Variants in TRIM44 observed in about 807,000 individuals in gnomAD.
The protein encoded by TRIM44 is tripartite motif containing 44.
In TRIM44, 13 loss-of-function variants were observed where a neutral mutation model predicts 37.4. That is an observed-to-expected ratio of 0.35 (90% CI 0.23 to 0.55). The LOEUF (loss-of-function observed/expected upper bound fraction) is 0.55, where lower values mean the gene tolerates loss of function less well. Ranked by LOEUF, TRIM44 falls within the 20% of genes least tolerant of loss-of-function variation. TRIM44 has a pLI of 0.89. For missense variants in TRIM44, 426 were observed against 437.2 expected (o/e 0.97, Z 0.23); for synonymous variants, 175 against 157.2 (o/e 1.11, Z -0.85).
At chr11:35,687,797 C>T (rs755078472) in intron 2 of TRIM44, among the ~76,000 whole-genome samples, 10 of 152,102 alleles carry the variant, frequency 6.6e-5, no homozygotes, top group Non-Finnish European at 1.2e-4. Flanking sequence ...TGTAAGGACC[C>T]GACTTGATCT....
At chr11:35,776,742 A>C (rs1445862730) in intron 4 of TRIM44, among the ~76,000 whole-genome samples, 1 of 152,230 alleles carries the variant, frequency 6.6e-6, no homozygotes, top group African/African-American at 2.4e-5. Context: ...CAGGTTGTTC[A>C]GTTTCCATAT....
At position 35,714,232 on chromosome 11, in the gene TRIM44, A is replaced by G. The variant is rs185743114; in HGVS notation, c.748-11692A>G. Among the ~76,000 whole-genome samples the G allele has an allele frequency of 2.1e-4, 32 of 152,204 alleles. No individual in the cohort carries two copies. In the East Asian group the frequency reaches 4.2e-3, roughly 20 times the overall value. On this transcript the variant is annotated intron_variant, in intron 2 of 4. Transcript: ENST00000299413. ...AAAGTTCACAGTTACTATTATCTCTAATGAGCAGAATGGTTCTGCTGATGG... is the reference window on the plus strand; with the variant it reads ...AAAGTTCACAGTTACTATTATCTCTGATGAGCAGAATGGTTCTGCTGATGG...
rs753633502 is a variant in TRIM44, at chr11:35,663,122, G to C, written c.11G>C (p.Gly4Ala). The C allele has an allele frequency of 2.0e-6, 3 of 1,526,310 alleles. No individual in the cohort carries two copies. Among genetic ancestry groups the C allele is most frequent in the Non-Finnish European group, 1.8e-6 (2 of 1,141,070 alleles). 94.5% of individuals were successfully genotyped at this position (1,526,310 alleles called of 1,614,324 possible). Residue 4 changes from glycine to alanine, a missense_variant, in exon 1 of 5, where the codon GGA becomes GCA. Coordinates refer to ENST00000299413, the MANE Select transcript of TRIM44 (RefSeq NM_017583.6). MASGVGAAFEELPH... is the reference protein window; with the variant it reads MASAVGAAFEELPH... Reference sequence around the variant, plus strand: ...CGTCACAGCACCCACATGGCCTCTGGAGTGGGCGCGGCCTTCGAGGAACTG... The same window carrying C: ...CGTCACAGCACCCACATGGCCTCTGCAGTGGGCGCGGCCTTCGAGGAACTG...
chr11:35,664,832 A>G (rs1336971011), intron 1 of TRIM44, among the ~76,000 whole-genome samples: 1 of 152,238 alleles, frequency 6.6e-6, no homozygotes, highest in East Asian at 1.9e-4. Flanking sequence ...CCTTTTCCCC[A>G]TACCTTTTCC....
chr11:35,735,503 C>T, intron 4 of TRIM44, 58 bp downstream of exon 4: 1 of 1,536,716 alleles, frequency 6.5e-7, no homozygotes, highest in Non-Finnish European at 9.0e-7. Flanking sequence ...ACATTTGTGG[C>T]CTTTTAGTGC....
At chr11:35,734,881 T>C (rs1411015395) in intron 3 of TRIM44, among the ~76,000 whole-genome samples, 1 of 152,218 alleles carries the variant, frequency 6.6e-6, no homozygotes, top group Non-Finnish European at 1.5e-5. Context: ...AATTAATGTT[T>C]GCCCAAGGAC....
intron 4 of TRIM44, among the ~76,000 whole-genome samples, chr11:35,775,462 T>G (rs1852943359): frequency 6.6e-6 from 1 of 152,234 alleles, no homozygotes; most frequent in Non-Finnish European, 1.5e-5. Flanking sequence ...ACTCTTTATT[T>G]CTTTCTCCTG....
intron 4 of TRIM44, among the ~76,000 whole-genome samples, chr11:35,744,039 A>G (rs532927234): frequency 4.6e-5 from 7 of 152,354 alleles, no homozygotes; most frequent in African/African-American, 1.4e-4. Context: ...GCACAACTGT[A>G]CATATTTGCC....
intron 2 of TRIM44, among the ~76,000 whole-genome samples, chr11:35,695,931 A>G (rs1851692255): frequency 1.3e-5 from 2 of 151,146 alleles, no homozygotes; most frequent in South Asian, 4.2e-4. Context: ...GTAACATGTC[A>G]AATCTGTAAT....
intron 4 of TRIM44, among the ~76,000 whole-genome samples, chr11:35,772,531 C>T (rs545048073): frequency 2.0e-5 from 3 of 152,348 alleles, no homozygotes; most frequent in East Asian, 1.9e-4. Context: ...CCACCTCTTG[C>T]ATCAGCATGA....
At position 35,745,387 on chromosome 11, in the gene TRIM44, T is replaced by TG. The variant is rs1209397425; in HGVS notation, c.1007+9942_1007+9943insG. Reference sequence around the variant, plus strand: ...GGTTGTTTTTTTCTTGTAAATTTGTTTAAGTTCCATGTAGACTCTAGATAT... The same window carrying TG: ...GGTTGTTTTTTTCTTGTAAATTTGTTGTAAGTTCCATGTAGACTCTAGATAT... On this transcript the variant is annotated intron_variant, in intron 4 of 4. Coordinates refer to ENST00000299413, the MANE Select transcript of TRIM44 (RefSeq NM_017583.6). 2.0e-5 allele frequency among the ~76,000 whole-genome samples: 3 copies of TG among 152,206 alleles called. No homozygotes were observed. The East Asian group carries it at 5.8e-4, about 29-fold the overall frequency.
chr11:35,729,062 A>C (rs1183607841), intron 3 of TRIM44, among the ~76,000 whole-genome samples: 2 of 152,100 alleles, frequency 1.3e-5, no homozygotes, highest in African/African-American at 4.8e-5. Flanking sequence ...CTGATCAGGG[A>C]CCTTGGGATT....
At position 35,725,968 on chromosome 11, in the gene TRIM44, G is replaced by T; in HGVS notation, c.792G>T (p.Lys264Asn). The T allele has an allele frequency of 6.2e-7, 1 of 1,614,070 alleles. No homozygotes were observed. The change falls in exon 3 of 5, where the codon AAG becomes AAT. Residue 264 changes from lysine (K) to asparagine (N), a missense_variant. Physicochemically the swap from Lys to Asn is moderately conservative, Grantham distance 94. Coordinates refer to ENST00000299413, the MANE Select transcript of TRIM44 (RefSeq NM_017583.6). ...AGATGTTTATACAGCAGGAATTTAA[G>T]AAAGTTCAGAAAGTGATTGCTGATG... ...QMKMFIQQEF[K>N]KVQKVIADEE...
At chr11:35,685,008 G>A (rs1851558125) in intron 1 of TRIM44, among the ~76,000 whole-genome samples, 1 of 152,226 alleles carries the variant, frequency 6.6e-6, no homozygotes, top group Admixed American at 6.5e-5. Flanking sequence ...AGATGAAGCA[G>A]TGAGTCAGCC....
chr11:35,788,840 G>T (rs965348132), intron 4 of TRIM44, among the ~76,000 whole-genome samples: 2 of 152,198 alleles, frequency 1.3e-5, no homozygotes, highest in Admixed American at 6.5e-5. Context: ...TGGAGAAGCA[G>T]TTTGGGAAGG....
At position 35,816,556 on chromosome 11, in the gene TRIM44, GA is replaced by G. The variant is rs1309922863; in HGVS notation, c.*10175del. 3.3e-5 allele frequency: 5 copies of G among 152,170 alleles called. No homozygotes were observed. Among genetic ancestry groups the G allele is most frequent in the African/African-American group, 1.2e-4 (5 of 41,436 alleles). The allele number at this position is 152,170 out of a possible 1,614,324, so 9.4% of individuals were successfully genotyped here. A position where few individuals can be genotyped will look rare whatever the true frequency, so the allele number is the denominator to read the frequency against. On this transcript the variant is annotated 3_prime_UTR_variant, in exon 5 of 5. Coordinates refer to ENST00000299413, the MANE Select transcript of TRIM44 (RefSeq NM_017583.6). The stretch of plus-strand genomic sequence containing the variant: ...AGACCTAAGAGTAATGGAATGGAGT[GA>G]AAAGTAAAATTTAGACTAAATTGTT...
At chr11:35,665,586 GTTTTTTTTTTTTT>G (rs35522287) in intron 1 of TRIM44, among the ~76,000 whole-genome samples, 2 of 71,518 alleles carry the variant, frequency 2.8e-5, no homozygotes, top group African/African-American at 5.7e-5. Flanking sequence ...TTATATATCT[GTTTTTTTTTTTTT>G]TTTTTTTTTT....
At chr11:35,744,660 C>T (rs1852463838) in intron 4 of TRIM44, among the ~76,000 whole-genome samples, 1 of 151,990 alleles carries the variant, frequency 6.6e-6, no homozygotes, top group East Asian at 1.9e-4. Context: ...ACAGATCGTC[C>T]CATCGCTTAG....
chr11:35,729,253 C>T (rs1209026677), intron 3 of TRIM44, among the ~76,000 whole-genome samples: 2 of 152,076 alleles, frequency 1.3e-5, no homozygotes, highest in African/African-American at 4.8e-5. Context: ...CCCCAATTGG[C>T]ACGCAGCAGT....
Sources: allele counts gnomAD v4.1 joint callset (sites outside exome capture counted in the v4.1 genomes callset), GRCh38; gene constraint gnomAD v4.1.1; transcripts MANE v1.5; gene names NCBI Gene and HGNC (gene_info 2026-07-23, HGNC 2026-07-21).